Variants in HDAC9 observed in about 807,000 individuals in gnomAD.
HDAC9 encodes histone deacetylase 9.
A neutral mutation model predicts 139.4 loss-of-function variants in HDAC9; 41 were observed. The ratio of observed to expected loss-of-function variants is 0.29; its 90% CI spans 0.23 to 0.38. The LOEUF (loss-of-function observed/expected upper bound fraction) is 0.38, where lower values mean the gene tolerates loss of function less well. HDAC9 is among the 10% of genes least tolerant of loss of function. The probability of loss-of-function intolerance (pLI) is 1.00; values close to 1 mark genes in which losing one functional copy is unlikely to be tolerated. For synonymous variants in HDAC9, 517 were observed against 476.2 expected (o/e 1.09, Z -1.12); for missense variants, 1,147 against 1,297.0 (o/e 0.88, Z 1.78).
intron 1 of HDAC9, among the ~76,000 whole-genome samples, chr7:18,126,367 G>A (rs1784672268): frequency 6.6e-6 from 1 of 152,118 alleles, no homozygotes; most frequent in African/African-American, 2.4e-5. Context: ...AATAGAGCAC[G>A]TGTTTTTTCT....
chr7:18,515,720 G>A (rs1802969657), intron 2 of HDAC9, among the ~76,000 whole-genome samples: 1 of 152,190 alleles, frequency 6.6e-6, no homozygotes, highest in Non-Finnish European at 1.5e-5. Context: ...ATTAAAACAT[G>A]GAGTTTCAAC....
At chr7:18,782,515 G>C (rs1371846942) in intron 16 of HDAC9, among the ~76,000 whole-genome samples, 1 of 152,012 alleles carries the variant, frequency 6.6e-6, no homozygotes, top group Non-Finnish European at 1.5e-5. Flanking sequence ...TATGCTGGAT[G>C]TGCTTGGAAA....
chr7:18,357,804 A>T (rs1265258147), intron 1 of HDAC9, among the ~76,000 whole-genome samples: 1 of 152,088 alleles, frequency 6.6e-6, no homozygotes. Flanking sequence ...CTAGTGTCTC[A>T]GTGTTTCACT....
chr7:18,361,819 A>T (rs564848188), intron 1 of HDAC9, among the ~76,000 whole-genome samples: 1 of 134,244 alleles, frequency 7.4e-6, no homozygotes, highest in Non-Finnish European at 1.6e-5. Context: ...GGAGAGAGAG[A>T]AAAAAAAAAA....
Position 18,307,097 on chromosome 7 carries a change from T to TTGTG in HDAC9, c.-42+16626_-42+16629dup, listed in dbSNP as rs56020648. ...CCCTTCAGCTACAGGAGGGCAGTTC[T>TTGTG]TGTGTGTGTGTGTGTGTGTGTGTGT... On this transcript the variant is annotated intron_variant, in intron 1 of 3. Transcript: ENST00000413509. Among the ~76,000 whole-genome samples, 1,206 of 134,816 alleles carry TTGTG rather than the reference T, an allele frequency of 8.9e-3. 6 individuals carry two copies. The highest frequency in any genetic ancestry group is 0.021 in the African/African-American group (718 of 33,602). The allele number at this position is 134,816 out of a possible 152,430, so 88.4% of individuals were successfully genotyped here. A position where few individuals can be genotyped will look rare whatever the true frequency, so the allele number is the denominator to read the frequency against.
intron 2 of HDAC9, among the ~76,000 whole-genome samples, chr7:18,200,109 C>G (rs1323389852): frequency 6.6e-6 from 1 of 152,162 alleles, no homozygotes; most frequent in Non-Finnish European, 1.5e-5. Context: ...AAATGTAATG[C>G]AATTGAACAA....
At chr7:18,271,285 C>G (rs917643723) in intron 2 of HDAC9, among the ~76,000 whole-genome samples, 1 of 152,124 alleles carries the variant, frequency 6.6e-6, no homozygotes, top group African/African-American at 2.4e-5. Flanking sequence ...TATATATACT[C>G]TATGTATTGA....
At chr7:18,667,252 G>GT (rs1293406262) in intron 12 of HDAC9, 2 of 985,076 alleles carry the variant, frequency 2.0e-6, no homozygotes, top group Non-Finnish European at 2.4e-6. Context: ...ATGTTAGTGA[G>GT]AAGTAATGTG....
At chr7:18,746,616 G>A (rs919536124) in intron 13 of HDAC9, among the ~76,000 whole-genome samples, 2 of 152,252 alleles carry the variant, frequency 1.3e-5, no homozygotes, top group Middle Eastern at 3.4e-3. Context: ...AATCCAAGGA[G>A]ATCCACCAAT....
intron 16 of HDAC9, among the ~76,000 whole-genome samples, chr7:18,768,488 ATCCT>A (rs1790015714): frequency 6.6e-6 from 1 of 152,124 alleles, no homozygotes; most frequent in Non-Finnish European, 1.5e-5. Flanking sequence ...TCCCACATTA[ATCCT>A]TGCTTATTTT....
At chr7:18,937,005 T>C (rs965120445) in intron 23 of HDAC9, among the ~76,000 whole-genome samples, 2 of 151,294 alleles carry the variant, frequency 1.3e-5, no homozygotes, top group Non-Finnish European at 2.9e-5. Context: ...AACTTAAGCA[T>C]TGCTCAAGTA....
chr7:18,701,397 T>TAAAAAAAAAAAA (rs533989795), intron 12 of HDAC9, among the ~76,000 whole-genome samples: 3 of 103,152 alleles, frequency 2.9e-5, no homozygotes, highest in African/African-American at 5.3e-5. Context: ...GCGTCTGATT[T>TAAAAAAAAAAAA]AAAAAAAAAC....
At chr7:18,460,992 A>G (rs115854135) in intron 1 of HDAC9, among the ~76,000 whole-genome samples, 92 of 152,248 alleles carry the variant, frequency 6.0e-4, no homozygotes, top group African/African-American at 2.1e-3. Context: ...AGAAGAGTAA[A>G]AAAGCCAGAA....
chr7:18,810,076 A>T (rs545621353), intron 17 of HDAC9, among the ~76,000 whole-genome samples: 5 of 152,124 alleles, frequency 3.3e-5, no homozygotes, highest in African/African-American at 1.2e-4. Context: ...AACAACGTGG[A>T]TGTTCCTGGA....
At chr7:18,861,807 A>G (rs1562999113) in intron 21 of HDAC9, among the ~76,000 whole-genome samples, 1 of 152,180 alleles carries the variant, frequency 6.6e-6, no homozygotes, top group Non-Finnish European at 1.5e-5. Flanking sequence ...CATATTTGAA[A>G]CTCTAATTAA....
intron 2 of HDAC9, among the ~76,000 whole-genome samples, chr7:18,284,740 G>T (rs1230592599): frequency 6.6e-6 from 1 of 152,044 alleles, no homozygotes; most frequent in East Asian, 1.9e-4. Flanking sequence ...GCTCCAGTTT[G>T]TCCAGTGCTT....
At chr7:18,142,359 T>G (rs1301498721) in intron 1 of HDAC9, among the ~76,000 whole-genome samples, 1 of 152,166 alleles carries the variant, frequency 6.6e-6, no homozygotes, top group African/African-American at 2.4e-5. Context: ...CCCTCACTTC[T>G]CCTGCTCATC....
At chr7:18,668,271 C>A in intron 12 of HDAC9, 1 of 959,002 alleles carries the variant, frequency 1.0e-6, no homozygotes, top group Non-Finnish European at 1.2e-6. Context: ...AGGAACACTC[C>A]CTATCACCAA....
intron 1 of HDAC9, among the ~76,000 whole-genome samples, chr7:18,358,784 AG>A (rs1285833297): frequency 6.6e-6 from 1 of 152,220 alleles, no homozygotes; most frequent in East Asian, 1.9e-4. Flanking sequence ...CACTTACTCT[AG>A]CTATAACTTT....
Sources: gnomAD v4.1 joint callset for allele counts (sites outside exome capture counted in the v4.1 genomes callset) on GRCh38, gnomAD v4.1.1 for gene constraint, MANE v1.5 for transcripts, NCBI Gene and HGNC (gene_info 2026-07-23, HGNC 2026-07-21) for gene names.